BTF3L4: variants seen among roughly 807,000 people sequenced by gnomAD.
The protein encoded by BTF3L4 is basic transcription factor 3 like 4, also known as transcription factor BTF3 homolog 4.
Under a neutral mutation model 16.8 loss-of-function variants are expected in BTF3L4, and 6 were observed. The observed-to-expected ratio is 0.36, with a 90% CI of 0.20 to 0.71. BTF3L4 has a LOEUF of 0.71. Ranked by LOEUF, BTF3L4 falls within the 30% of genes least tolerant of loss-of-function variation. The pLI is 0.58. For missense variants in BTF3L4, 92 were observed against 186.9 expected, an observed-to-expected ratio of 0.49 and a Z score of 2.96; for synonymous variants, 39 against 59.8, an observed-to-expected ratio of 0.65 and a Z score of 1.60.
At chr1:52,072,473 A>T (rs1276427618) in intron 3 of BTF3L4, among the ~76,000 whole-genome samples, 1 of 151,774 alleles carries the variant, frequency 6.6e-6, no homozygotes, top group Admixed American at 6.6e-5. Context: ...TTAAACAATA[A>T]CTCCTTATTC....
At chr1:52,078,402 T>G (rs79292489) in intron 3 of BTF3L4, among the ~76,000 whole-genome samples, 5,759 of 152,124 alleles carry the variant, frequency 0.038, 395 homozygotes, top group African/African-American at 0.13. Context: ...ATCCATTCAT[T>G]CATTCAGCAG....
chr1:52,072,513 A>G (rs916465767), intron 3 of BTF3L4, among the ~76,000 whole-genome samples: 1 of 152,124 alleles, frequency 6.6e-6, no homozygotes, highest in African/African-American at 2.4e-5. Context: ...GTAACCGCCA[A>G]TCTACTTTCT....
intron 3 of BTF3L4, among the ~76,000 whole-genome samples, chr1:52,074,048 C>T (rs990357650): frequency 1.3e-5 from 2 of 152,002 alleles, no homozygotes; most frequent in African/African-American, 2.4e-5. Context: ...TGCCTGTGAT[C>T]CCAGCTACTC....
At chr1:52,057,635 A>G (rs1319440347) in intron 1 of BTF3L4, among the ~76,000 whole-genome samples, 1 of 152,042 alleles carries the variant, frequency 6.6e-6, no homozygotes, top group African/African-American at 2.4e-5. Context: ...TTGGAGGTCT[A>G]CTCCAGATTC....
chr1:52,065,103 C>G (rs1034693071), intron 3 of BTF3L4, 165 bp downstream of exon 3: 4 of 402,736 alleles, frequency 9.9e-6, no homozygotes, highest in Non-Finnish European at 1.3e-5. Context: ...AAATGATGGT[C>G]AAAAAAATAA....
At chr1:52,075,744 A>C (rs1050646803) in intron 3 of BTF3L4, among the ~76,000 whole-genome samples, 1 of 150,336 alleles carries the variant, frequency 6.7e-6, no homozygotes, top group African/African-American at 2.4e-5. Flanking sequence ...GCTAACTGCA[A>C]CCCCCACCTC....
At chr1:52,069,084 G>T (rs1390210728) in intron 3 of BTF3L4, among the ~76,000 whole-genome samples, 1 of 152,140 alleles carries the variant, frequency 6.6e-6, no homozygotes, top group Non-Finnish European at 1.5e-5. Flanking sequence ...TGTGGCATGT[G>T]TGTACACTAT....
At chr1:52,076,360 T>C (rs1686932375) in intron 3 of BTF3L4, among the ~76,000 whole-genome samples, 1 of 151,974 alleles carries the variant, frequency 6.6e-6, no homozygotes, top group African/African-American at 2.4e-5. Context: ...CAGATCACGA[T>C]GTCAGGAGTT....
At chr1:52,057,924 C>T (rs1350982831) in intron 1 of BTF3L4, among the ~76,000 whole-genome samples, 1 of 152,110 alleles carries the variant, frequency 6.6e-6, no homozygotes, top group East Asian at 1.9e-4. Flanking sequence ...AAGACTTTGT[C>T]TTGGCATCCC....
intron 2 of BTF3L4, 73 bp from the exon 3 acceptor site, chr1:52,064,752 T>C (rs955846056): frequency 1.3e-6 from 1 of 767,190 alleles, no homozygotes; most frequent in African/African-American, 1.8e-5. Flanking sequence ...ATTATTGTGA[T>C]ACGTAAGATG....
At chr1:52,060,528 T>C in intron 2 of BTF3L4, 1 of 1,242,496 alleles carries the variant, frequency 8.0e-7, no homozygotes, top group Non-Finnish European at 1.0e-6. Flanking sequence ...GAACTAGTTG[T>C]GAGCAACTGA....
intron 3 of BTF3L4, among the ~76,000 whole-genome samples, chr1:52,080,208 A>C (rs1643905667): frequency 6.6e-6 from 1 of 152,054 alleles, no homozygotes; most frequent in Admixed American, 6.6e-5. Flanking sequence ...AAGTATGAGA[A>C]TGATTTAGTA....
intron 2 of BTF3L4, among the ~76,000 whole-genome samples, chr1:52,062,922 A>C (rs1305049707): frequency 5.0e-5 from 2 of 40,234 alleles, no homozygotes; most frequent in African/African-American, 1.5e-4. Context: ...GTTTCCTCGC[A>C]TACGCAGCTC....
intron 1 of BTF3L4, among the ~76,000 whole-genome samples, chr1:52,058,239 CCTATAAAAGTG>C (rs1289062968): frequency 3.3e-5 from 5 of 152,162 alleles, no homozygotes; most frequent in African/African-American, 1.2e-4. Flanking sequence ...CACACTTCCT[CCTATAAAAGTG>C]TTTTTAGCTG....
chr1:52,064,897 C>T lies in BTF3L4; in HGVS notation c.127C>T (p.Leu43=). ...TADDKKLQSS[L]KKLAVNNIAG... ...TGATGACAAAAAGCTTCAGAGTTCT[C>T]TAAAAAAACTGGCTGTGAATAATAT... Residue 43 remains leucine (L), a synonymous_variant, in exon 3 of 6, where the codon CTA becomes TTA. Coordinates refer to ENST00000313334, the MANE Select transcript of BTF3L4 (RefSeq NM_152265.5). The T allele has an allele frequency of 6.2e-7, 1 of 1,612,970 alleles. No individual in the cohort carries two copies. Among genetic ancestry groups the T allele is most frequent in the Non-Finnish European group, 8.5e-7 (1 of 1,179,580 alleles).
In BTF3L4 at chr1:52,087,402, CAGA is replaced by C. The variant is rs1350169619; in HGVS notation, c.*649_*651del. ...TTAGATTAACTTACCTAGTCAGACC[CAGA>C]AGAACTTCTTTTACTAGCTTGCTTC... On this transcript the variant is annotated 3_prime_UTR_variant, in exon 6 of 6. Coordinates refer to ENST00000313334, the MANE Select transcript of BTF3L4 (RefSeq NM_152265.5). 6.6e-6 allele frequency: 1 copy of C among 152,192 alleles called. No individual in the cohort carries two copies. The highest frequency in any genetic ancestry group is 1.5e-5 in the Non-Finnish European group (1 of 68,044). 9.4% of individuals were successfully genotyped at this position (152,192 alleles called of 1,614,324 possible). A position where few individuals can be genotyped will look rare whatever the true frequency, so the allele number is the denominator to read the frequency against.
chr1:52,061,363 G>C (rs147901225), intron 2 of BTF3L4, among the ~76,000 whole-genome samples: 1 of 151,338 alleles, frequency 6.6e-6, no homozygotes, highest in African/African-American at 2.4e-5. Flanking sequence ...TGGCGCATAC[G>C]TGTAGTCCCA....
chr1:52,063,745 A>G (rs898055882), intron 2 of BTF3L4, among the ~76,000 whole-genome samples: 1 of 152,236 alleles, frequency 6.6e-6, no homozygotes, highest in African/African-American at 2.4e-5. Context: ...CTGTTTGCTC[A>G]GGCCAAGATT....
chr1:52,057,183 C>T (rs1049017470), intron 1 of BTF3L4, among the ~76,000 whole-genome samples: 22 of 152,302 alleles, frequency 1.4e-4, no homozygotes, highest in African/African-American at 4.8e-4. Flanking sequence ...TTTCTGATTC[C>T]AAAGCCTGTG....
Sources: gnomAD v4.1 joint callset for allele counts (sites outside exome capture counted in the v4.1 genomes callset) on GRCh38, gnomAD v4.1.1 for gene constraint, MANE v1.5 for transcripts, NCBI Gene and HGNC (gene_info 2026-07-23, HGNC 2026-07-21) for gene names.